Variants in RBM6 observed in about 807,000 individuals in gnomAD.
The protein encoded by RBM6 is RNA binding motif protein 6, also known as RNA-binding protein 6.
Under a neutral mutation model 140.4 loss-of-function variants are expected in RBM6, and 23 were observed. The observed-to-expected ratio is 0.16, with a 90% confidence interval of 0.12 to 0.23. The LOEUF (loss-of-function observed/expected upper bound fraction) is 0.23, where lower values mean the gene tolerates loss of function less well. Ranked by LOEUF, RBM6 falls within the 10% of genes least tolerant of loss-of-function variation. The pLI, the probability that RBM6 is intolerant of heterozygous loss-of-function variation, is 1.00. For synonymous variants in RBM6, 439 were observed against 475.6 expected (o/e 0.92, Z 1.00); for missense variants, 1,139 against 1,386.7 (o/e 0.82, Z 2.84).
At chr3:50,058,756 A>G (rs1013533992) in intron 10 of RBM6, 194 bp downstream of exon 10, 1 of 408,898 alleles carries the variant, frequency 2.4e-6, no homozygotes, top group East Asian at 4.4e-5. Flanking sequence ...CTACTAAAAA[A>G]TACAGAAAAA....
chr3:50,055,289 G>T (rs2089656417), intron 8 of RBM6, among the ~76,000 whole-genome samples: 1 of 152,190 alleles, frequency 6.6e-6, no homozygotes, highest in African/African-American at 2.4e-5. Context: ...TTAGCCACAG[G>T]TGTGGTGGCA....
At position 50,043,341 on chromosome 3, in the gene RBM6, G is replaced by A. The variant is rs546226959; in HGVS notation, c.1558-4904G>A. Among the ~76,000 whole-genome samples, 9 of 151,784 alleles carry A rather than the reference G, an allele frequency of 5.9e-5. 1 individual carries two copies. The South Asian group carries it at 1.3e-3, about 21-fold the overall frequency. On this transcript the variant is annotated intron_variant, in intron 6 of 20. Coordinates refer to ENST00000266022, the MANE Select transcript of RBM6 (RefSeq NM_005777.3). ...CTACTAAAAATACAAAAATTATCCC[G>A]GTGTAGTGGCGCACACCTGTAATCC...
At chr3:50,040,081 T>C (rs1395516573) in intron 6 of RBM6, among the ~76,000 whole-genome samples, 1 of 152,118 alleles carries the variant, frequency 6.6e-6, no homozygotes. Flanking sequence ...TACTTTAAAA[T>C]GCATGTAAGA....
chr3:50,005,180 G>T (rs989767985), intron 6 of RBM6, among the ~76,000 whole-genome samples: 1 of 152,052 alleles, frequency 6.6e-6, no homozygotes, highest in Non-Finnish European at 1.5e-5. Flanking sequence ...CTCAAATGTG[G>T]TCTGTCCTTG....
chr3:49,944,909 C>T (rs987215665), intron 1 of RBM6, among the ~76,000 whole-genome samples: 2 of 146,266 alleles, frequency 1.4e-5, no homozygotes, highest in East Asian at 4.2e-4. Context: ...CGGATTCTTG[C>T]TCTGTCGCCC....
intron 6 of RBM6, among the ~76,000 whole-genome samples, chr3:50,037,717 T>G (rs2088626145): frequency 6.6e-6 from 1 of 152,096 alleles, no homozygotes. Flanking sequence ...TGAGCTGGTC[T>G]GGTCTCGAGC....
intron 1 of RBM6, among the ~76,000 whole-genome samples, chr3:49,961,966 G>T (rs1169674354): frequency 6.6e-6 from 1 of 151,126 alleles, no homozygotes; most frequent in African/African-American, 2.4e-5. Flanking sequence ...GACCAGCCTG[G>T]GTAACACAGT....
chr3:49,984,010 C>T (rs774307587), intron 5 of RBM6, among the ~76,000 whole-genome samples: 40 of 151,932 alleles, frequency 2.6e-4, no homozygotes, highest in Non-Finnish European at 4.7e-4. Flanking sequence ...TAAAATTTCC[C>T]GCTGGGCACA....
intron 5 of RBM6, among the ~76,000 whole-genome samples, chr3:49,994,668 G>A (rs996795426): frequency 2.2e-5 from 3 of 137,222 alleles, no homozygotes; most frequent in African/African-American, 5.4e-5. Context: ...AAAGGCTGTG[G>A]GGTGTGTGTG....
intron 6 of RBM6, among the ~76,000 whole-genome samples, chr3:50,010,015 T>C (rs1483663963): frequency 6.6e-6 from 1 of 151,988 alleles, no homozygotes; most frequent in Non-Finnish European, 1.5e-5. Flanking sequence ...CAGCCTCCCA[T>C]GTAGCTGGAA....
chr3:50,055,539 T>C (rs1367839686), intron 8 of RBM6, among the ~76,000 whole-genome samples: 1 of 152,102 alleles, frequency 6.6e-6, no homozygotes, highest in African/African-American at 2.4e-5. Context: ...AGTGGCTAAG[T>C]GGGCAGCTGA....
intron 1 of RBM6, among the ~76,000 whole-genome samples, chr3:49,941,715 G>A (rs1162879352): frequency 3.4e-5 from 5 of 145,418 alleles, no homozygotes; most frequent in Non-Finnish European, 6.0e-5. Flanking sequence ...GCAGCGTTTC[G>A]CCTTATGCCC....
At chr3:49,972,822 G>A (rs903042493) in intron 4 of RBM6, among the ~76,000 whole-genome samples, 1 of 152,082 alleles carries the variant, frequency 6.6e-6, no homozygotes, top group African/African-American at 2.4e-5. Flanking sequence ...AAGTACAGGC[G>A]GGGCATGGTA....
intron 1 of RBM6, among the ~76,000 whole-genome samples, chr3:49,946,320 A>T (rs2083483386): frequency 6.6e-6 from 1 of 151,526 alleles, no homozygotes; most frequent in South Asian, 2.1e-4. Flanking sequence ...GGCTCACTGC[A>T]ACCTCCACCT....
intron 6 of RBM6, among the ~76,000 whole-genome samples, chr3:50,039,534 G>A (rs1575775868): frequency 6.8e-6 from 1 of 146,318 alleles, no homozygotes; most frequent in South Asian, 2.1e-4. Context: ...TACAGGCATG[G>A]GCCACCGCAC....
chr3:50,018,307 T>A (rs2087276847), intron 6 of RBM6, among the ~76,000 whole-genome samples: 1 of 152,224 alleles, frequency 6.6e-6, no homozygotes, highest in South Asian at 2.1e-4. Flanking sequence ...TTCTTTCATT[T>A]AGTAGTACAT....
intron 19 of RBM6, among the ~76,000 whole-genome samples, chr3:50,072,023 G>A (rs1344414569): frequency 6.8e-6 from 1 of 148,056 alleles, no homozygotes; most frequent in Non-Finnish European, 1.5e-5. Flanking sequence ...GGCAGAGGTT[G>A]CAGTGAGCTG....
At chr3:49,990,504 C>G (rs1210564453) in intron 5 of RBM6, among the ~76,000 whole-genome samples, 1 of 152,168 alleles carries the variant, frequency 6.6e-6, no homozygotes, top group African/African-American at 2.4e-5. Flanking sequence ...TGTAGTTAAG[C>G]AGCACATGGC....
intron 10 of RBM6, chr3:50,058,969 G>A (rs2108912970): frequency 6.2e-6 from 1 of 160,876 alleles, no homozygotes; most frequent in Middle Eastern, 3.4e-3. Context: ...ATTCTTGTGT[G>A]CTACCTGATA....
Sources: allele counts gnomAD v4.1 joint callset (sites outside exome capture counted in the v4.1 genomes callset), GRCh38; gene constraint gnomAD v4.1.1; transcripts MANE v1.5; gene names NCBI Gene and HGNC (gene_info 2026-07-23, HGNC 2026-07-21).